The following SMYD4 variants were observed in gnomAD, a reference collection of about 807,000 sequenced individuals.
SMYD4 encodes the protein protein-lysine N-methyltransferase SMYD4.
A neutral mutation model predicts 72.8 loss-of-function variants in SMYD4; 68 were observed. The observed-to-expected ratio is 0.93, with a 90% CI of 0.77 to 1.14. The LOEUF (loss-of-function observed/expected upper bound fraction) is 1.14, where lower values mean the gene tolerates loss of function less well. SMYD4 is among the 50% of genes most tolerant of loss of function. The pLI is 0.00. For missense variants in SMYD4, 984 were observed against 1,003.7 expected (o/e 0.98, Z 0.27); for synonymous variants, 407 against 388.6 (o/e 1.05, Z -0.56).
At position 1,787,101 on chromosome 17, in the gene SMYD4, T is replaced by C. The variant is rs922969128; in HGVS notation, c.1721-128A>G. 1.1e-5 allele frequency: 13 copies of C among 1,219,020 alleles called. No homozygotes were observed. The African/African-American group carries it at 1.5e-4, about 15-fold the overall frequency. 75.5% of individuals were successfully genotyped at this position (1,219,020 alleles called of 1,614,324 possible). On this transcript the variant is annotated intron_variant, in intron 6 of 10. Transcript: ENST00000305513. ...TGACAGCTAACCTTTACCCAAATAT[T>C]TGTGGAACTGGATACTAAAATAAGC... is the stretch of plus-strand genomic sequence containing the variant.
chr17:1,811,578 T>A (rs961201025), intron 3 of SMYD4, among the ~76,000 whole-genome samples: 1 of 152,224 alleles, frequency 6.6e-6, no homozygotes, highest in African/African-American at 2.4e-5. Context: ...AAGATAACAC[T>A]GGCTATACAA....
At chr17:1,803,744 C>T (rs1909890006) in intron 4 of SMYD4, among the ~76,000 whole-genome samples, 1 of 152,158 alleles carries the variant, frequency 6.6e-6, no homozygotes, top group East Asian at 1.9e-4. Flanking sequence ...AGTGATCCGT[C>T]TGCCTTGGCC....
At chr17:1,793,605 T>G (rs1383454191) in intron 5 of SMYD4, among the ~76,000 whole-genome samples, 1 of 152,024 alleles carries the variant, frequency 6.6e-6, no homozygotes, top group East Asian at 1.9e-4. Context: ...GTTACAGAGC[T>G]AGCCCAGATT....
chr17:1,801,623 T>G (rs1397098330), intron 4 of SMYD4, among the ~76,000 whole-genome samples: 4 of 123,610 alleles, frequency 3.2e-5, no homozygotes, highest in Admixed American at 1.6e-4. Flanking sequence ...CAGGCAGGCT[T>G]TGAAAAAAAA....
At chr17:1,810,778 G>A (rs1450350549) in intron 3 of SMYD4, among the ~76,000 whole-genome samples, 1 of 152,250 alleles carries the variant, frequency 6.6e-6, no homozygotes, top group Non-Finnish European at 1.5e-5. Context: ...GCTGGATGTT[G>A]TCAGGAGTAT....
chr17:1,817,144 T>A (rs937568184), intron 2 of SMYD4, among the ~76,000 whole-genome samples: 1 of 151,662 alleles, frequency 6.6e-6, no homozygotes, highest in African/African-American at 2.4e-5. Context: ...TTCAAGTGAT[T>A]CTCCTGCCTC....
intron 5 of SMYD4, among the ~76,000 whole-genome samples, chr17:1,792,061 C>T (rs973738508): frequency 4.8e-4 from 72 of 148,566 alleles, no homozygotes; most frequent in African/African-American, 1.5e-3. Flanking sequence ...TTTTTTGAGA[C>T]GGGGTCTCGC....
chr17:1,816,035 C>A (rs1043452252), intron 2 of SMYD4, among the ~76,000 whole-genome samples: 11 of 151,800 alleles, frequency 7.2e-5, no homozygotes, highest in Non-Finnish European at 1.6e-4. Flanking sequence ...AGTTCACTGG[C>A]ATTACATACA....
chr17:1,825,366 G>C (rs1006960933), intron 2 of SMYD4, among the ~76,000 whole-genome samples: 3 of 152,114 alleles, frequency 2.0e-5, no homozygotes, highest in African/African-American at 7.2e-5. Flanking sequence ...GGAGGAAAAA[G>C]TGCAGAAGGA....
At chr17:1,783,555 T>C (rs1908492312) in intron 8 of SMYD4, 79 bp from the exon 9 acceptor site, 1 of 1,531,114 alleles carries the variant, frequency 6.5e-7, no homozygotes, top group Non-Finnish European at 8.8e-7. Flanking sequence ...TCAAATCCTC[T>C]GAATCAGCTG....
At chr17:1,791,294 T>C (rs987687384) in intron 5 of SMYD4, among the ~76,000 whole-genome samples, 6 of 152,046 alleles carry the variant, frequency 3.9e-5, no homozygotes, top group Admixed American at 1.3e-4. Context: ...CGTGTCACGG[T>C]CTAGAAAATC....
At chr17:1,807,321 T>A (rs924704373) in intron 3 of SMYD4, among the ~76,000 whole-genome samples, 3 of 150,434 alleles carry the variant, frequency 2.0e-5, no homozygotes, top group Non-Finnish European at 4.4e-5. Context: ...TCATAAAGAA[T>A]GAGGATGCTT....
At chr17:1,794,105 A>ATATATATATATATTTTT (rs1291818005) in intron 5 of SMYD4, among the ~76,000 whole-genome samples, 2 of 12,982 alleles carry the variant, frequency 1.5e-4, no homozygotes, top group Non-Finnish European at 2.8e-4. Flanking sequence ...ATATATATAT[A>ATATATATATATATTTTT]TTTTTTTTTT....
chr17:1,786,887 G>A lies in SMYD4; in HGVS notation c.1807C>T (p.Gln603Ter), dbSNP rs767496531. Residue 603 changes from glutamine to a stop codon, truncating the protein, a stop_gained, in exon 7 of 11, where the codon CAA becomes TAA. Transcript: ENST00000305513. LOFTEE classifies it high-confidence loss of function. ...YFFDCACPAC[Q>*]TEAHRMAAGP... ...GCAGCCATCCTGTGTGCCTCAGTTTGACAAGCTGGACAGGCGCAGTCAAAG... is the reference window on the plus strand; with the variant it reads ...GCAGCCATCCTGTGTGCCTCAGTTTAACAAGCTGGACAGGCGCAGTCAAAG... The A allele has an allele frequency of 4.6e-5, 74 of 1,614,114 alleles. No homozygotes were observed. The highest frequency in any genetic ancestry group is 6.2e-5 in the Non-Finnish European group (73 of 1,180,058).
chr17:1,781,671 A>C, intron 10 of SMYD4: 1 of 310,448 alleles, frequency 3.2e-6, no homozygotes. Context: ...GGCAAATCTC[A>C]AAGCTTTTTT....
intron 8 of SMYD4, among the ~76,000 whole-genome samples, chr17:1,784,061 C>T (rs1166911026): frequency 1.3e-5 from 2 of 152,202 alleles, no homozygotes. Flanking sequence ...CAGCGATGAC[C>T]CGTTAGTTGG....
chr17:1,784,799 C>G (rs1908564798), intron 7 of SMYD4, among the ~76,000 whole-genome samples: 1 of 151,906 alleles, frequency 6.6e-6, no homozygotes, highest in Non-Finnish European at 1.5e-5. Context: ...GAGATGGAGT[C>G]TCGCTCGGTC....
intron 9 of SMYD4, 50 bp downstream of exon 9, chr17:1,783,310 T>C (rs2151217425): frequency 1.2e-6 from 2 of 1,610,348 alleles, no homozygotes; most frequent in Middle Eastern, 2.2e-4. Context: ...CACGGCGAAG[T>C]GCCCACAGCA....
At position 1,781,326 on chromosome 17, in the gene SMYD4, A is replaced by G. The variant is rs777500796; in HGVS notation, c.2375T>C (p.Leu792Ser). ...IQELQKMKSC[L>S]LDLPPTPVGP... is the part of the protein sequence containing the mutation. ...TACAGGGGTGGGTGGTAAGTCCAAC[A>G]AACAGGATTTCATCTTCTGGAGCTC... is the stretch of plus-strand genomic sequence containing the variant. The change falls in exon 11 of 11, where the codon TTG becomes TCG. Residue 792 changes from leucine to serine, a missense_variant. By Grantham distance (145) the Leu-to-Ser change is moderately radical. Coordinates refer to ENST00000305513, the MANE Select transcript of SMYD4 (RefSeq NM_052928.3). 2.5e-6 allele frequency: 4 copies of G among 1,613,886 alleles called. No homozygotes were observed. Among genetic ancestry groups the G allele is most frequent in the Non-Finnish European group, 2.5e-6 (3 of 1,180,032 alleles).
Sources: allele counts gnomAD v4.1 joint callset (sites outside exome capture counted in the v4.1 genomes callset), GRCh38; gene constraint gnomAD v4.1.1; transcripts MANE v1.5; gene names NCBI Gene and HGNC (gene_info 2026-07-23, HGNC 2026-07-21).